The following LRP1B variants were observed in gnomAD, a reference collection of about 807,000 sequenced individuals.
LRP1B encodes the protein low-density lipoprotein receptor-related protein 1B.
Under a neutral mutation model 556.6 loss-of-function variants are expected in LRP1B, and 217 were observed. The observed-to-expected ratio is 0.39, with a 90% CI of 0.35 to 0.44. The LOEUF (loss-of-function observed/expected upper bound fraction) is 0.44. LRP1B is among the 20% of genes least tolerant of loss of function. LRP1B has a pLI of 1.00. For synonymous variants in LRP1B, 2,047 were observed against 1,865.8 expected (o/e 1.10, Z -2.50); for missense variants, 5,053 against 5,620.8 (o/e 0.90, Z 3.23).
intron 41 of LRP1B, among the ~76,000 whole-genome samples, chr2:140,634,426 G>T (rs1316170992): frequency 1.3e-5 from 2 of 152,014 alleles, no homozygotes; most frequent in Admixed American, 1.3e-4. Flanking sequence ...CCATGTAGAA[G>T]AATTCCGAAT....
chr2:141,363,696 G>C (rs1688919048), intron 3 of LRP1B, among the ~76,000 whole-genome samples: 1 of 152,002 alleles, frequency 6.6e-6, no homozygotes, highest in Non-Finnish European at 1.5e-5. Flanking sequence ...TATTTTACAT[G>C]TACTTTTTTG....
Position 141,049,122 on chromosome 2 carries a change from G to A in LRP1B, c.1653C>T (p.Pro551=), listed in dbSNP as rs2105445954. ...NTKIADEYMI[P]IENLVNPRAL... is the part of the protein sequence containing the mutation. ...CACGAGGGTTTACCAGATTTTCTAT[G>A]GGGATCATGTATTCATCAGCTATCT... The change falls in exon 11 of 91, where the codon CCC becomes CCT. Residue 551 remains proline (P), a synonymous_variant. Transcript: ENST00000389484. 6.2e-7 allele frequency: 1 copy of A among 1,613,466 alleles called. No individual in the cohort carries two copies. The highest frequency in any genetic ancestry group is 8.5e-7 in the Non-Finnish European group (1 of 1,179,612).
intron 2 of LRP1B, among the ~76,000 whole-genome samples, chr2:141,731,478 T>A (rs1408901973): frequency 6.6e-6 from 1 of 152,164 alleles, no homozygotes; most frequent in African/African-American, 2.4e-5. Flanking sequence ...CTCCATTTAT[T>A]GCTCCATTGT....
At chr2:141,735,144 TTTTGTTTG>T (rs56164987) in intron 2 of LRP1B, among the ~76,000 whole-genome samples, 4,931 of 150,366 alleles carry the variant, frequency 0.033, 246 homozygotes, top group African/African-American at 0.11. Context: ...TCATTTTGTT[TTTTGTTTG>T]TTTGTTTGTT....
At chr2:140,993,714 AGTG>A (rs1351794428) in intron 16 of LRP1B, among the ~76,000 whole-genome samples, 3 of 152,060 alleles carry the variant, frequency 2.0e-5, no homozygotes, top group African/African-American at 7.2e-5. Context: ...AACCTCTGAC[AGTG>A]GCATGGTGGC....
rs76840739 is a variant in LRP1B at position 140,264,051 on chromosome 2, G to T, written c.13247+6191C>A. Among the ~76,000 whole-genome samples, 1,490 of 152,070 alleles carry T rather than the reference G, an allele frequency of 9.8e-3. 63 individuals are homozygous for T. In the East Asian group the frequency reaches 0.13, roughly 14 times the overall value. ...TCAGCACATTTTGGTCTCTTCTCACGCCTCTCTTCTTGGCTTACAGATAGC... is the reference window on the plus strand; with the variant it reads ...TCAGCACATTTTGGTCTCTTCTCACTCCTCTCTTCTTGGCTTACAGATAGC... On this transcript the variant is annotated intron_variant, in intron 86 of 90. Coordinates refer to ENST00000389484, the MANE Select transcript of LRP1B (RefSeq NM_018557.3).
intron 43 of LRP1B, among the ~76,000 whole-genome samples, chr2:140,587,719 A>G (rs1445007964): frequency 1.3e-5 from 2 of 152,202 alleles, no homozygotes; most frequent in South Asian, 4.1e-4. Context: ...GAATCATTCC[A>G]CAATACATAC....
chr2:140,566,506 C>T (rs993471451), intron 43 of LRP1B, among the ~76,000 whole-genome samples: 2 of 152,098 alleles, frequency 1.3e-5, no homozygotes, highest in African/African-American at 4.8e-5. Flanking sequence ...GCACTGCCTC[C>T]GGAGGGAAGA....
chr2:141,881,397 G>A (rs185885306), intron 1 of LRP1B, among the ~76,000 whole-genome samples: 2 of 152,104 alleles, frequency 1.3e-5, no homozygotes, highest in East Asian at 3.9e-4. Context: ...CTTAGATAAG[G>A]ATTTGACTTG....
intron 1 of LRP1B, among the ~76,000 whole-genome samples, chr2:142,064,836 A>G (rs1182959763): frequency 6.6e-6 from 1 of 151,626 alleles, no homozygotes; most frequent in Non-Finnish European, 1.5e-5. Flanking sequence ...ATATTTCTGA[A>G]AGATAAGAAA....
At position 140,426,690 on chromosome 2, in the gene LRP1B, T is replaced by C. The variant is rs547693602; in HGVS notation, c.10414+15814A>G. 1.4e-4 allele frequency among the ~76,000 whole-genome samples: 21 copies of C among 152,270 alleles called. No individual in the cohort carries two copies. The East Asian group carries it at 4.1e-3, about 29-fold the overall frequency. On this transcript the variant is annotated intron_variant, in intron 66 of 90. Transcript: ENST00000389484. ...ATCTTATAAAACAGCCCCACCCATA[T>C]CTTCCTTCGCTGACTCTTTTCGGAC... is the stretch of plus-strand genomic sequence containing the variant.
At chr2:141,702,625 G>A (rs1368131124) in intron 2 of LRP1B, among the ~76,000 whole-genome samples, 1 of 151,900 alleles carries the variant, frequency 6.6e-6, no homozygotes, top group East Asian at 1.9e-4. Context: ...TTAGTAGGGA[G>A]CTAGTGAAGG....
At chr2:140,449,942 C>A (rs1250474274) in intron 63 of LRP1B, among the ~76,000 whole-genome samples, 3 of 152,130 alleles carry the variant, frequency 2.0e-5, no homozygotes, top group African/African-American at 7.2e-5. Flanking sequence ...AAGGAAAAGT[C>A]TGCTGATGTC....
intron 3 of LRP1B, among the ~76,000 whole-genome samples, chr2:141,385,868 A>G (rs1689816596): frequency 6.6e-6 from 1 of 152,176 alleles, no homozygotes; most frequent in East Asian, 1.9e-4. Flanking sequence ...TGGTGCTACT[A>G]GGATGCTGCT....
At chr2:140,351,114 A>G in intron 76 of LRP1B, 76 bp from the exon 77 acceptor site, 1 of 934,888 alleles carries the variant, frequency 1.1e-6, no homozygotes, top group Non-Finnish European at 1.6e-6. Flanking sequence ...GTACTTTTAA[A>G]TTATCTTGAA....
intron 45 of LRP1B, among the ~76,000 whole-genome samples, chr2:140,537,712 AT>A (rs1679974043): frequency 1.3e-5 from 2 of 152,032 alleles, no homozygotes; most frequent in South Asian, 4.1e-4. Flanking sequence ...AAATCTCAGA[AT>A]TTTTATTAAA....
At chr2:140,999,968 G>A (rs1697366554) in intron 15 of LRP1B, among the ~76,000 whole-genome samples, 1 of 152,018 alleles carries the variant, frequency 6.6e-6, no homozygotes, top group Admixed American at 6.6e-5. Flanking sequence ...CTGGAGAGCA[G>A]TGGCACATAC....
intron 3 of LRP1B, among the ~76,000 whole-genome samples, chr2:141,411,415 A>G (rs575474629): frequency 6.6e-6 from 1 of 152,292 alleles, no homozygotes; most frequent in African/African-American, 2.4e-5. Context: ...AGAGAAAAAC[A>G]GAAAAAGTTC....
At chr2:141,533,555 C>T (rs1440447205) in intron 2 of LRP1B, among the ~76,000 whole-genome samples, 1 of 152,140 alleles carries the variant, frequency 6.6e-6, no homozygotes, top group Admixed American at 6.6e-5. Flanking sequence ...AACTGAGCCC[C>T]ATAGATAAGT....
Sources: gnomAD v4.1 joint callset for allele counts (sites outside exome capture counted in the v4.1 genomes callset) on GRCh38, gnomAD v4.1.1 for gene constraint, MANE v1.5 for transcripts, NCBI Gene and HGNC (gene_info 2026-07-23, HGNC 2026-07-21) for gene names.